ZNF365: variants seen among roughly 807,000 people sequenced by gnomAD.
ZNF365 encodes the protein protein ZNF365.
Under a neutral mutation model 35.0 loss-of-function variants are expected in ZNF365, and 22 were observed. The ratio of observed to expected loss-of-function variants is 0.63; its 90% CI spans 0.45 to 0.90. The LOEUF is 0.90. Among genes scored for constraint, ZNF365 ranks in the 40% least tolerant of loss-of-function variants. The pLI is 0.00. For missense variants in ZNF365, 448 were observed against 500.3 expected (o/e 0.90, Z 1.00); for synonymous variants, 188 against 196.2 (o/e 0.96, Z 0.35).
At chr10:62,466,617 G>C (rs1840947724) in intron 4 of ZNF365, among the ~76,000 whole-genome samples, 1 of 152,136 alleles carries the variant, frequency 6.6e-6, no homozygotes, top group East Asian at 1.9e-4. Context: ...TGTGACAATG[G>C]TGCATTTGGT....
chr10:62,465,887 C>T (rs1840934876), intron 4 of ZNF365, among the ~76,000 whole-genome samples: 1 of 152,166 alleles, frequency 6.6e-6, no homozygotes, highest in South Asian at 2.1e-4. Context: ...CTTCTTGGGG[C>T]CCAGACCCCA....
intron 2 of ZNF365, among the ~76,000 whole-genome samples, chr10:62,384,614 A>G (rs1044525607): frequency 2.0e-5 from 3 of 152,202 alleles, no homozygotes; most frequent in Non-Finnish European, 4.4e-5. Flanking sequence ...GTTGAAACAG[A>G]TGAAGAAAAT....
At chr10:62,423,927 A>G (rs976589278) in intron 3 of ZNF365, among the ~76,000 whole-genome samples, 1 of 152,208 alleles carries the variant, frequency 6.6e-6, no homozygotes, top group Non-Finnish European at 1.5e-5. Context: ...GTTTTGCACA[A>G]TGCAATGAAG....
intron 4 of ZNF365, among the ~76,000 whole-genome samples, chr10:62,465,302 G>C (rs1840922299): frequency 6.6e-6 from 1 of 152,212 alleles, no homozygotes; most frequent in African/African-American, 2.4e-5. Flanking sequence ...AAGTGTGAGA[G>C]GGAGGCCAGG....
At chr10:62,452,604 A>G (rs1164208927) in intron 3 of ZNF365, among the ~76,000 whole-genome samples, 2 of 152,216 alleles carry the variant, frequency 1.3e-5, no homozygotes, top group Non-Finnish European at 2.9e-5. Context: ...AAAAAACAAA[A>G]CTCATGTTAC....
chr10:62,439,239 C>T (rs1468154234), intron 3 of ZNF365, among the ~76,000 whole-genome samples: 4 of 152,078 alleles, frequency 2.6e-5, no homozygotes, highest in Admixed American at 1.3e-4. Context: ...TATTCTTTCT[C>T]TTCTCGGTCT....
At chr10:62,425,984 A>C (rs1173710128) in intron 3 of ZNF365, among the ~76,000 whole-genome samples, 1 of 152,150 alleles carries the variant, frequency 6.6e-6, no homozygotes, top group African/African-American at 2.4e-5. Flanking sequence ...AGTCCAAACA[A>C]CCATTTTGAC....
At chr10:62,376,005 G>T in intron 1 of ZNF365, 176 bp from the exon 2 acceptor site, 1 of 620,522 alleles carries the variant, frequency 1.6e-6, no homozygotes. Flanking sequence ...AAATAATGCA[G>T]AAATTGATGT....
At chr10:62,441,967 A>G (rs549474413) in intron 3 of ZNF365, among the ~76,000 whole-genome samples, 1 of 152,302 alleles carries the variant, frequency 6.6e-6, no homozygotes, top group South Asian at 2.1e-4. Flanking sequence ...AGCCCCGTCA[A>G]TCAAAGATTT....
downstream of ZNF365, among the ~76,000 whole-genome samples, chr10:62,406,772 T>C (rs1207717553): frequency 2.6e-5 from 4 of 152,204 alleles, no homozygotes; most frequent in Non-Finnish European, 5.9e-5. Context: ...AATTTTTCCT[T>C]GAATATCCAT....
At chr10:62,393,671 G>C (rs377749639) in intron 3 of ZNF365, among the ~76,000 whole-genome samples, 2 of 152,146 alleles carry the variant, frequency 1.3e-5, no homozygotes, top group East Asian at 1.9e-4. Context: ...TACACAAATG[G>C]TGGGAAATTA....
At chr10:62,468,289 G>A (rs971320446) in intron 4 of ZNF365, among the ~76,000 whole-genome samples, 1 of 152,098 alleles carries the variant, frequency 6.6e-6, no homozygotes, top group Non-Finnish European at 1.5e-5. Context: ...ACATGTGTGA[G>A]AACTTATATA....
rs112726310 is a variant in ZNF365 at position 62,417,113 on chromosome 10, A to G, written c.924+28537A>G. Among the ~76,000 whole-genome samples the G allele has an allele frequency of 8.6e-3, 1,304 of 152,174 alleles. 7 individuals carry two copies. Among genetic ancestry groups the G allele is most frequent in the Non-Finnish European group, 0.015 (1,014 of 67,914 alleles). On this transcript the variant is annotated intron_variant, in intron 3 of 4. Transcript: ENST00000395255. ...GAAAGTATACTTACTTTGTTTACCA[A>G]TGACCACTTGTGTTGTTCCTAAAAA...
At chr10:62,439,979 C>G (rs1296888111) in intron 3 of ZNF365, among the ~76,000 whole-genome samples, 1 of 152,100 alleles carries the variant, frequency 6.6e-6, no homozygotes, top group African/African-American at 2.4e-5. Flanking sequence ...TTTCCTTTGT[C>G]CTGTCCGCAC....
At position 62,478,698 on chromosome 10, in the gene ZNF365, C is replaced by T. The variant is rs561797589; in HGVS notation, c.982-1178C>T. ...ATGCCATTCTCCTGCCTCAGCCTCC[C>T]ATGTAGCTGGGACTACAGACACCTG... On this transcript the variant is annotated intron_variant, in intron 4 of 4. Transcript: ENST00000395255. Among the ~76,000 whole-genome samples the T allele has an allele frequency of 1.3e-4, 20 of 152,306 alleles. No individual in the cohort carries two copies. In the South Asian group the frequency reaches 2.1e-3, roughly 16 times the overall value.
intron 4 of ZNF365, among the ~76,000 whole-genome samples, chr10:62,471,210 C>CA (rs1344389412): frequency 2.6e-5 from 4 of 151,906 alleles, no homozygotes; most frequent in Non-Finnish European, 5.9e-5. Flanking sequence ...ACTAAAAATA[C>CA]AAAAAACTGG....
Position 62,399,620 on chromosome 10 carries a change from A to G in ZNF365, c.1055A>G (p.Asp352Gly). ...AGGAACCACCTGAAAAAGGCCAAGG[A>G]TGACAGAGCCAGCATGCAGCCTGCC... ...KGRNHLKKAK[D>G]DRASMQPAKA... Residue 352 changes from aspartate to glycine, a missense_variant, in exon 5 of 5, where the codon GAT (aspartate) becomes GGT (glycine). By Grantham distance (94) the Asp-to-Gly change is moderately conservative. Around this residue, in one of 3 missense-constraint regions of ZNF365, gnomAD observed 362 missense variants for 375.7 expected, o/e 0.96. Coordinates refer to ENST00000395254, the MANE Select transcript of ZNF365 (RefSeq NM_014951.3). The G allele has an allele frequency of 6.2e-7, 1 of 1,614,194 alleles. No individual in the cohort carries two copies. Among genetic ancestry groups the G allele is most frequent in the Non-Finnish European group, 8.5e-7 (1 of 1,180,026 alleles).
chr10:62,428,466 C>A (rs1329388767), intron 3 of ZNF365, among the ~76,000 whole-genome samples: 1 of 152,208 alleles, frequency 6.6e-6, no homozygotes, highest in Non-Finnish European at 1.5e-5. Flanking sequence ...GGCTCTCAAT[C>A]TTCTCCTTCC....
At chr10:62,457,293 G>A (rs762005712) in intron 3 of ZNF365, among the ~76,000 whole-genome samples, 57 of 152,348 alleles carry the variant, frequency 3.7e-4, no homozygotes, top group Non-Finnish European at 6.6e-4. Context: ...CCATGAAAGT[G>A]AGAAGGAGGC....
Sources: allele counts gnomAD v4.1 joint callset (sites outside exome capture counted in the v4.1 genomes callset), GRCh38; gene constraint gnomAD v4.1.1; regional missense constraint gnomAD v4.1.1; transcripts MANE v1.5; gene names NCBI Gene and HGNC (gene_info 2026-07-23, HGNC 2026-07-21).